PLEKHG3: variants seen among roughly 807,000 people sequenced by gnomAD.
The protein encoded by PLEKHG3 is pleckstrin homology and RhoGEF domain containing G3.
PLEKHG3 carries 62 observed loss-of-function variants against 94.9 expected under a neutral mutation model. That is an observed-to-expected ratio of 0.65 (90% CI 0.53 to 0.81). The LOEUF is 0.81. PLEKHG3 is among the 30% of genes least tolerant of loss of function. The probability of loss-of-function intolerance (pLI) is 0.00; values close to 1 mark genes in which losing one functional copy is unlikely to be tolerated. For missense variants in PLEKHG3, 1,461 were observed against 1,619.3 expected, an observed-to-expected ratio of 0.90 and a Z score of 1.68; for synonymous variants, 614 against 654.0, an observed-to-expected ratio of 0.94 and a Z score of 0.93.
Position 64,748,041 on chromosome 14 carries a change from A to T in PLEKHG3, c.*4338A>T, listed in dbSNP as rs1015010460. The T allele has an allele frequency of 6.6e-6, 1 of 151,286 alleles. No individual in the cohort carries two copies. The highest frequency in any genetic ancestry group is 2.4e-5 in the African/African-American group (1 of 41,064). The allele number at this position is 151,286 out of a possible 1,614,324, so 9.4% of individuals were successfully genotyped here. On this transcript the variant is annotated 3_prime_UTR_variant, in exon 17 of 17. Coordinates refer to ENST00000247226, the MANE Select transcript of PLEKHG3 (RefSeq NM_001308147.2). The stretch of plus-strand genomic sequence containing the variant: ...GATATTTGACCTCTGTACTCATGTG[A>T]CCCCCTCCCCGCCAAGACCTGGGGC...
rs2081823393 is a variant in PLEKHG3, at chr14:64,745,733, C to T, written c.*2030C>T. The T allele has an allele frequency of 6.6e-6, 1 of 152,272 alleles. No homozygotes were observed. The allele number at this position is 152,272 out of a possible 1,614,324, so 9.4% of individuals were successfully genotyped here. ...AGGTTGTCACTAGCCTCTGATCTTC[C>T]CTTGAAGAACCCGACTGGGGCTCTT... On this transcript the variant is annotated 3_prime_UTR_variant, in exon 17 of 17. Coordinates refer to ENST00000247226, the MANE Select transcript of PLEKHG3 (RefSeq NM_001308147.2). This position sits in a 1 kb window ranked among gnomAD's most constrained non-coding sequence, Gnocchi z 5.0.
In PLEKHG3 at chr14:64,720,964, G is replaced by A. The variant is rs2081253119; in HGVS notation, c.-39-6629G>A. 6.6e-6 allele frequency among the ~76,000 whole-genome samples: 1 copy of A among 152,142 alleles called. No homozygotes were observed. Among genetic ancestry groups the A allele is most frequent in the South Asian group, 2.1e-4 (1 of 4,826 alleles). On this transcript the variant is annotated intron_variant, in intron 1 of 16. Coordinates refer to ENST00000247226, the MANE Select transcript of PLEKHG3 (RefSeq NM_001308147.2). This position sits in a 1 kb window ranked among gnomAD's most constrained non-coding sequence, Gnocchi z 4.1. ...AAACTTCTGTCTGACTCTGACTCCT[G>A]CCGGATTCCTCTTACGAGGAGCCTT... is the stretch of plus-strand genomic sequence containing the variant.
intron 1 of PLEKHG3, among the ~76,000 whole-genome samples, chr14:64,705,256 C>T (rs1277528753): frequency 1.3e-5 from 2 of 152,248 alleles, no homozygotes; most frequent in Non-Finnish European, 2.9e-5. Flanking sequence ...GCTGCCTCGA[C>T]CTCGTCCACT....
rs1272285152 is a variant in PLEKHG3, at chr14:64,731,840, C to T, written c.1125+34C>T. The T allele has an allele frequency of 6.8e-7, 1 of 1,473,876 alleles. No individual in the cohort carries two copies. The highest frequency in any genetic ancestry group is 1.7e-5 in the Admixed American group (1 of 59,690). 91.3% of individuals were successfully genotyped at this position (1,473,876 alleles called of 1,614,324 possible). On this transcript the variant is annotated intron_variant, in intron 9 of 16. Transcript: ENST00000247226. This position sits in a 1 kb window ranked among gnomAD's most constrained non-coding sequence, Gnocchi z 6.1. ...AAGGTGGGGCTCAGGGGCTAGGGAA[C>T]AAGATGCCCAGGGGACACCTGCGTG... is the stretch of plus-strand genomic sequence containing the variant.
In PLEKHG3 at chr14:64,720,568, C is replaced by A. The variant is rs902129003; in HGVS notation, c.-39-7025C>A. 6.6e-6 allele frequency among the ~76,000 whole-genome samples: 1 copy of A among 152,198 alleles called. No homozygotes were observed. The highest frequency in any genetic ancestry group is 2.4e-5 in the African/African-American group (1 of 41,426). On this transcript the variant is annotated intron_variant, in intron 1 of 16. Coordinates refer to ENST00000247226, the MANE Select transcript of PLEKHG3 (RefSeq NM_001308147.2). The surrounding 1 kb of genome is among the most constrained non-coding windows in gnomAD (Gnocchi z 4.1). ...AAGGTATGGGAAAGAAGGCCCAGCC[C>A]ACTGGGTTTTACTGTATTGTCCAGA...
Position 64,717,978 on chromosome 14 carries a change from T to A in PLEKHG3, c.-39-9615T>A, listed in dbSNP as rs2081197579. Reference sequence around the variant, plus strand: ...TCCTTCCATCTGTCCTTGGCCTGCCTTGCAGCCTGGCCTCTTGTTGCCAGT... The same window carrying A: ...TCCTTCCATCTGTCCTTGGCCTGCCATGCAGCCTGGCCTCTTGTTGCCAGT... On this transcript the variant is annotated intron_variant, in intron 1 of 16. Transcript: ENST00000247226. The surrounding 1 kb of genome is among the most constrained non-coding windows in gnomAD (Gnocchi z 4.7). 6.6e-6 allele frequency among the ~76,000 whole-genome samples: 1 copy of A among 152,244 alleles called. No individual in the cohort carries two copies. Among genetic ancestry groups the A allele is most frequent in the African/African-American group, 2.4e-5 (1 of 41,474 alleles).
rs991315798 is a variant in PLEKHG3, at chr14:64,717,141, G to A, written c.-39-10452G>A. On this transcript the variant is annotated intron_variant, in intron 1 of 16. Transcript: ENST00000247226. This position sits in a 1 kb window ranked among gnomAD's most constrained non-coding sequence, Gnocchi z 4.7. ...TGTGTGTGTGTGTGTGTGTGTGTGT[G>A]TGTGTGTGAGTCCATAAGGTCTGCT... 2.2e-4 allele frequency among the ~76,000 whole-genome samples: 33 copies of A among 152,018 alleles called. No homozygotes were observed. Among genetic ancestry groups the A allele is most frequent in the Non-Finnish European group, 3.4e-4 (23 of 68,000 alleles).
rs1389706122 is a variant in PLEKHG3 at position 64,739,920 on chromosome 14, G to C, written c.1518+1065G>C. 6.6e-6 allele frequency among the ~76,000 whole-genome samples: 1 copy of C among 152,176 alleles called. No individual in the cohort carries two copies. The highest frequency in any genetic ancestry group is 2.4e-5 in the African/African-American group (1 of 41,430). On this transcript the variant is annotated intron_variant, in intron 15 of 16. Coordinates refer to ENST00000247226, the MANE Select transcript of PLEKHG3 (RefSeq NM_001308147.2). This position sits in a 1 kb window ranked among gnomAD's most constrained non-coding sequence, Gnocchi z 4.1. The stretch of plus-strand genomic sequence containing the variant: ...GAGATACACAGACATTCAGAGCAGA[G>C]CAAATTGGGGTGTCAAATAATAATA...
At chr14:64,705,846 A>G (rs528864508) in intron 1 of PLEKHG3, among the ~76,000 whole-genome samples, 1 of 152,326 alleles carries the variant, frequency 6.6e-6, no homozygotes, top group South Asian at 2.1e-4. Flanking sequence ...AGTGAGAACC[A>G]AAAGTGTACA....
chr14:64,731,402 G>A lies in PLEKHG3; in HGVS notation c.891G>A (p.Leu297=), dbSNP rs777226433. 1 of 1,614,064 alleles carries A rather than the reference G, an allele frequency of 6.2e-7. No individual in the cohort carries two copies. The highest frequency in any genetic ancestry group is 8.5e-7 in the Non-Finnish European group (1 of 1,180,000). The change falls in exon 8 of 17, where the codon CTG becomes CTA. Residue 297 remains leucine, a synonymous_variant. Coordinates refer to ENST00000247226, the MANE Select transcript of PLEKHG3 (RefSeq NM_001308147.2). The surrounding 1 kb of genome is among the most constrained non-coding windows in gnomAD (Gnocchi z 6.1). The stretch of plus-strand genomic sequence containing the variant: ...TCATCAACTGGAAGGGGCCCGACCT[G>A]ACCACCTACGGGGAGCTTGTCCTGG... The part of the protein sequence containing the change: ...SLLINWKGPD[L]TTYGELVLEG...
chr14:64,708,391 C>G (rs1021869175), intron 1 of PLEKHG3, among the ~76,000 whole-genome samples: 5 of 151,952 alleles, frequency 3.3e-5, no homozygotes, highest in Non-Finnish European at 7.4e-5. Flanking sequence ...GCCTGGAGGT[C>G]GGAAGCGGAG....
chr14:64,726,999 T>G lies in PLEKHG3; in HGVS notation c.-39-594T>G, dbSNP rs1460060121. ...ACAGACAGGGGGGCACTTGGGAAGT[T>G]CTTCTTCACAACTGCCATTATTATC... On this transcript the variant is annotated intron_variant, in intron 1 of 16. Transcript: ENST00000247226. This position sits in a 1 kb window ranked among gnomAD's most constrained non-coding sequence, Gnocchi z 5.1. 6.6e-6 allele frequency among the ~76,000 whole-genome samples: 1 copy of G among 152,170 alleles called. No homozygotes were observed. Among genetic ancestry groups the G allele is most frequent in the African/African-American group, 2.4e-5 (1 of 41,436 alleles).
rs923637261 is a variant in PLEKHG3, at chr14:64,726,831, A to G, written c.-39-762A>G. On this transcript the variant is annotated intron_variant, in intron 1 of 16. Transcript: ENST00000247226. The surrounding 1 kb of genome is among the most constrained non-coding windows in gnomAD (Gnocchi z 5.1). ...CTGGCTCAGCCAGTCAGTATCCAGA[A>G]AGTTTCAGGTTTGTGGTGAAGCCGC... Among the ~76,000 whole-genome samples, 3 of 152,136 alleles carry G rather than the reference A, an allele frequency of 2.0e-5. No homozygotes were observed. The highest frequency in any genetic ancestry group is 4.4e-5 in the Non-Finnish European group (3 of 68,018).
At chr14:64,713,322 A>T (rs1397816441) in intron 1 of PLEKHG3, among the ~76,000 whole-genome samples, 1 of 152,020 alleles carries the variant, frequency 6.6e-6, no homozygotes, top group African/African-American at 2.4e-5. Flanking sequence ...ATGAGTTGGG[A>T]AGTATTTCCT....
rs2081119542 is a variant in PLEKHG3 at position 64,715,151 on chromosome 14, C to G, written c.-40+10447C>G. Among the ~76,000 whole-genome samples, 1 of 152,142 alleles carries G rather than the reference C, an allele frequency of 6.6e-6. No homozygotes were observed. The highest frequency in any genetic ancestry group is 1.5e-5 in the Non-Finnish European group (1 of 68,032). On this transcript the variant is annotated intron_variant, in intron 1 of 16. Coordinates refer to ENST00000247226, the MANE Select transcript of PLEKHG3 (RefSeq NM_001308147.2). This position sits in a 1 kb window ranked among gnomAD's most constrained non-coding sequence, Gnocchi z 4.4. Reference sequence around the variant, plus strand: ...AGGTGAGTTATGAATTCCCAGGTGACTCTATTTGGCTCCTTTCTGAGGTTG... The same window carrying G: ...AGGTGAGTTATGAATTCCCAGGTGAGTCTATTTGGCTCCTTTCTGAGGTTG...
rs748520428 is a variant in PLEKHG3, at chr14:64,741,509, G to T, written c.1992G>T (p.Gln664His). 6.2e-7 allele frequency: 1 copy of T among 1,612,878 alleles called. No homozygotes were observed. Among genetic ancestry groups the T allele is most frequent in the Non-Finnish European group, 8.5e-7 (1 of 1,180,014 alleles). ...HGSATDSLSC[Q>H]LSPEVDISVG... ...GTGCCACAGACTCCCTCAGCTGTCA[G>T]CTCTCCCCAGAAGTGGACATCAGTG... The change falls in exon 16 of 17, where the codon CAG becomes CAT. Residue 664 changes from glutamine (Q) to histidine (H), a missense_variant. Physicochemically the swap from Gln to His is conservative, Grantham distance 24. Coordinates refer to ENST00000247226, the MANE Select transcript of PLEKHG3 (RefSeq NM_001308147.2).
At position 64,726,897 on chromosome 14, in the gene PLEKHG3, C is replaced by T. The variant is rs1268842633; in HGVS notation, c.-39-696C>T. Among the ~76,000 whole-genome samples, 1 of 152,126 alleles carries T rather than the reference C, an allele frequency of 6.6e-6. No individual in the cohort carries two copies. Among genetic ancestry groups the T allele is most frequent in the African/African-American group, 2.4e-5 (1 of 41,400 alleles). ...TTTGCAGTCTTAGGGAGAATATTAC[C>T]CCTGTTATGTGTCTTGTCTTAACAT... On this transcript the variant is annotated intron_variant, in intron 1 of 16. Coordinates refer to ENST00000247226, the MANE Select transcript of PLEKHG3 (RefSeq NM_001308147.2). This position sits in a 1 kb window ranked among gnomAD's most constrained non-coding sequence, Gnocchi z 5.1.
rs757030824 is a variant in PLEKHG3, at chr14:64,749,410, C to T, written c.*5707C>T. On this transcript the variant is annotated 3_prime_UTR_variant, in exon 17 of 17. Transcript: ENST00000247226. This position sits in a 1 kb window ranked among gnomAD's most constrained non-coding sequence, Gnocchi z 4.7. ...GGCAGGGGCAGGCTCTGCGCCTTGACGCGGATGCTCTGGGACTCGTTGATG... is the reference window on the plus strand; with the variant it reads ...GGCAGGGGCAGGCTCTGCGCCTTGATGCGGATGCTCTGGGACTCGTTGATG... 1.5e-5 allele frequency: 24 copies of T among 1,607,546 alleles called. No individual in the cohort carries two copies. In the East Asian group the frequency reaches 3.3e-4, roughly 22 times the overall value.
intron 16 of PLEKHG3, 143 bp downstream of exon 16, chr14:64,742,598 G>C: frequency 1.5e-6 from 1 of 662,754 alleles, no homozygotes; most frequent in Non-Finnish European, 2.5e-6. Flanking sequence ...TAAGGGCACA[G>C]GGTGAGCCCT....
Sources: gnomAD v4.1 joint callset for allele counts (sites outside exome capture counted in the v4.1 genomes callset) on GRCh38, gnomAD v4.1.1 for gene constraint, Gnocchi (gnomAD v3.1) non-coding constraint, MANE v1.5 for transcripts, NCBI Gene and HGNC (gene_info 2026-07-23, HGNC 2026-07-21) for gene names.